The following RNF13 variants were observed in gnomAD, a reference collection of about 807,000 sequenced individuals.
RNF13 encodes the protein ring finger protein 13.
In RNF13, 19 loss-of-function variants were observed where a neutral mutation model predicts 37.7. That is an observed-to-expected ratio of 0.50 (90% CI 0.35 to 0.74). The LOEUF is 0.74. RNF13 is among the 30% of genes least tolerant of loss of function. The pLI, the probability that RNF13 is intolerant of heterozygous loss-of-function variation, is 0.01. For synonymous variants in RNF13, 144 were observed against 157.8 expected (o/e 0.91, Z 0.65); for missense variants, 375 against 453.0 (o/e 0.83, Z 1.56).
At chr3:149,836,367 T>C (rs374633843) in intron 1 of RNF13, among the ~76,000 whole-genome samples, 13 of 152,136 alleles carry the variant, frequency 8.5e-5, no homozygotes, top group African/African-American at 2.6e-4. Flanking sequence ...TCACTAATCA[T>C]TGGGGAAGTG....
chr3:149,896,487 T>A (rs1181680204), intron 5 of RNF13, among the ~76,000 whole-genome samples: 1 of 151,926 alleles, frequency 6.6e-6, no homozygotes, highest in Non-Finnish European at 1.5e-5. Flanking sequence ...TTCTTTATTT[T>A]TTTTTTTTTG....
At chr3:149,889,818 C>T (rs1714504086) in intron 4 of RNF13, among the ~76,000 whole-genome samples, 1 of 151,886 alleles carries the variant, frequency 6.6e-6, no homozygotes, top group Non-Finnish European at 1.5e-5. Flanking sequence ...CTGTGCCCAG[C>T]TGATTTTTGT....
chr3:149,856,532 C>T (rs1028346079), intron 3 of RNF13, among the ~76,000 whole-genome samples: 2 of 150,710 alleles, frequency 1.3e-5, no homozygotes, highest in Admixed American at 1.3e-4. Context: ...AAACCACCAA[C>T]TGCTGGGTTC....
chr3:149,958,427 C>A (rs750518723), intron 8 of RNF13, among the ~76,000 whole-genome samples: 1 of 152,148 alleles, frequency 6.6e-6, no homozygotes, highest in Non-Finnish European at 1.5e-5. Context: ...CACATCGCCC[C>A]GACTCTGAAT....
intron 6 of RNF13, among the ~76,000 whole-genome samples, chr3:149,902,545 C>T (rs1010258614): frequency 6.6e-6 from 1 of 151,954 alleles, no homozygotes; most frequent in Admixed American, 6.6e-5. Flanking sequence ...GAATCCAAAA[C>T]ATTGTGTTAA....
chr3:149,840,427 A>T (rs961979475), intron 1 of RNF13, among the ~76,000 whole-genome samples: 6 of 152,162 alleles, frequency 3.9e-5, no homozygotes, highest in Admixed American at 6.5e-5. Context: ...TATGAGTGGG[A>T]GGACGAGGGG....
At chr3:149,888,836 C>T (rs1297106694) in intron 4 of RNF13, among the ~76,000 whole-genome samples, 1 of 152,170 alleles carries the variant, frequency 6.6e-6, no homozygotes, top group Non-Finnish European at 1.5e-5. Context: ...GTACACTTAA[C>T]TTCGTTCATA....
chr3:149,947,798 T>G (rs1027657900), intron 8 of RNF13, among the ~76,000 whole-genome samples: 4 of 152,220 alleles, frequency 2.6e-5, no homozygotes, highest in African/African-American at 4.8e-5. Context: ...GAATTTACCA[T>G]TATGTCATTA....
intron 1 of RNF13, among the ~76,000 whole-genome samples, chr3:149,841,702 C>A (rs1053210709): frequency 2.6e-5 from 4 of 152,152 alleles, no homozygotes; most frequent in African/African-American, 9.7e-5. Context: ...TCACTGCAAC[C>A]TCTGCCTCCC....
chr3:149,915,273 T>C (rs1008788719), intron 7 of RNF13, among the ~76,000 whole-genome samples: 2 of 152,174 alleles, frequency 1.3e-5, no homozygotes, highest in African/African-American at 4.8e-5. Context: ...ATTTCTAATA[T>C]AGATTAATTT....
chr3:149,938,801 G>C (rs1719964687), intron 8 of RNF13, among the ~76,000 whole-genome samples: 1 of 151,998 alleles, frequency 6.6e-6, no homozygotes, highest in South Asian at 2.1e-4. Flanking sequence ...CAAGCAAAGG[G>C]TGGAGTTCCA....
intron 7 of RNF13, among the ~76,000 whole-genome samples, chr3:149,915,402 A>G (rs1434597110): frequency 6.6e-6 from 1 of 152,226 alleles, no homozygotes; most frequent in Admixed American, 6.5e-5. Context: ...TCCCTTGAGC[A>G]CTGTTGGTAG....
chr3:149,840,753 A>G (rs905377826), intron 1 of RNF13, among the ~76,000 whole-genome samples: 1 of 152,214 alleles, frequency 6.6e-6, no homozygotes, highest in African/African-American at 2.4e-5. Flanking sequence ...CTGATGGGCT[A>G]TTATCTGGTA....
chr3:149,876,519 T>G (rs1457872187), intron 4 of RNF13, among the ~76,000 whole-genome samples: 1 of 152,112 alleles, frequency 6.6e-6, no homozygotes, highest in East Asian at 1.9e-4. Flanking sequence ...ACTGGGATAC[T>G]TTACCTGACT....
At chr3:149,861,052 C>A (rs1479793012) in intron 3 of RNF13, among the ~76,000 whole-genome samples, 1 of 152,008 alleles carries the variant, frequency 6.6e-6, no homozygotes, top group Non-Finnish European at 1.5e-5. Flanking sequence ...ATCAAAACCA[C>A]AGCGAGATAG....
intron 1 of RNF13, among the ~76,000 whole-genome samples, chr3:149,836,994 G>T (rs1009088297): frequency 2.6e-5 from 4 of 152,194 alleles, no homozygotes; most frequent in African/African-American, 7.2e-5. Context: ...AGGGGATGGG[G>T]CATGGGTAAT....
At chr3:149,856,495 G>A (rs1723665288) in intron 3 of RNF13, among the ~76,000 whole-genome samples, 2 of 149,486 alleles carry the variant, frequency 1.3e-5, no homozygotes, top group South Asian at 4.2e-4. Flanking sequence ...CCAGCCTGGA[G>A]TGCAGTGGCA....
intron 8 of RNF13, among the ~76,000 whole-genome samples, chr3:149,930,160 C>T (rs952242948): frequency 6.6e-6 from 1 of 152,128 alleles, no homozygotes; most frequent in Non-Finnish European, 1.5e-5. Context: ...AACTCCTGAC[C>T]TCAAGTGATC....
Position 149,909,596 on chromosome 3 carries a change from A to G in RNF13, c.501-2382A>G, listed in dbSNP as rs115512716. On this transcript the variant is annotated intron_variant, in intron 6 of 9. Coordinates refer to ENST00000392894, the MANE Select transcript of RNF13 (RefSeq NM_183381.3). ...GCAAGATGCTCAAAATCTTTTATCA[A>G]TTGTTGACCCTTTAAAATCCCCACA... Among the ~76,000 whole-genome samples the G allele has an allele frequency of 8.3e-3, 1,260 of 152,124 alleles. 15 individuals are homozygous for G. The highest frequency in any genetic ancestry group is 0.029 in the African/African-American group (1,209 of 41,488).
Sources: gnomAD v4.1 joint callset for allele counts (sites outside exome capture counted in the v4.1 genomes callset) on GRCh38, gnomAD v4.1.1 for gene constraint, MANE v1.5 for transcripts, NCBI Gene and HGNC (gene_info 2026-07-23, HGNC 2026-07-21) for gene names.